MS4A10: variants seen among roughly 807,000 people sequenced by gnomAD.
MS4A10 encodes the protein membrane spanning 4-domains A10.
Under a neutral mutation model 27.7 loss-of-function variants are expected in MS4A10, and 27 were observed. That is an observed-to-expected ratio of 0.98 (90% CI 0.72 to 1.35). MS4A10 has a LOEUF of 1.35. MS4A10 is among the 40% of genes most tolerant of loss of function. The pLI is 0.00. For synonymous variants in MS4A10, 139 were observed against 131.2 expected (o/e 1.06, Z -0.41); for missense variants, 338 against 324.7 (o/e 1.04, Z -0.32).
At chr11:60,795,531 C>T (rs1162831782) in intron 5 of MS4A10, 24 bp from the exon 6 acceptor site, 1 of 1,477,316 alleles carries the variant, frequency 6.8e-7, no homozygotes, top group Non-Finnish European at 9.0e-7. Flanking sequence ...CCTCACCCTG[C>T]CTTCCTTCCC....
intron 1 of MS4A10, among the ~76,000 whole-genome samples, chr11:60,788,522 G>C (rs1854375473): frequency 6.6e-6 from 1 of 152,200 alleles, no homozygotes; most frequent in Non-Finnish European, 1.5e-5. Context: ...ACCTGGTTCA[G>C]GCCTCTGCCA....
intron 1 of MS4A10, among the ~76,000 whole-genome samples, chr11:60,789,217 C>T (rs1254155277): frequency 1.3e-5 from 2 of 152,216 alleles, no homozygotes; most frequent in South Asian, 2.1e-4. Flanking sequence ...TTCATTCATC[C>T]AGGATACAGT....
At chr11:60,791,200 G>T in intron 3 of MS4A10, 107 bp downstream of exon 3, 1 of 1,439,736 alleles carries the variant, frequency 6.9e-7, no homozygotes, top group South Asian at 1.3e-5. Context: ...GAGCTAATAG[G>T]AGTGCGGCAG....
chr11:60,787,175 C>G (rs1470994043), intron 1 of MS4A10, among the ~76,000 whole-genome samples: 1 of 152,110 alleles, frequency 6.6e-6, no homozygotes, highest in Non-Finnish European at 1.5e-5. Flanking sequence ...CCGTGGGATA[C>G]CAAGCTGGCT....
In MS4A10 at chr11:60,795,906, G is replaced by T. The variant is rs552271144; in HGVS notation, c.603+241G>T. Among the ~76,000 whole-genome samples the T allele has an allele frequency of 1.6e-4, 24 of 152,254 alleles. No homozygotes were observed. The South Asian group carries it at 5.0e-3, about 32-fold the overall frequency. On this transcript the variant is annotated intron_variant, in intron 6 of 7. Coordinates refer to ENST00000308287, the MANE Select transcript of MS4A10 (RefSeq NM_206893.4). The stretch of plus-strand genomic sequence containing the variant: ...CTGCCAGAGAGGAAACTCCATGGGT[G>T]CCCAGAACAAGAGGCTACTGTGCTG...
chr11:60,790,059 C>T (rs909550949), intron 1 of MS4A10, among the ~76,000 whole-genome samples: 2 of 152,184 alleles, frequency 1.3e-5, no homozygotes, highest in African/African-American at 4.8e-5. Context: ...TGAAGTTTGC[C>T]TGGTCCTCAT....
intron 1 of MS4A10, among the ~76,000 whole-genome samples, chr11:60,787,979 T>C (rs1344012189): frequency 1.3e-5 from 2 of 151,966 alleles, no homozygotes; most frequent in African/African-American, 4.8e-5. Flanking sequence ...ATTACGCCAC[T>C]ACACTCCAGC....
intron 1 of MS4A10, among the ~76,000 whole-genome samples, chr11:60,789,491 A>G (rs1023264464): frequency 3.3e-5 from 5 of 151,356 alleles, no homozygotes; most frequent in African/African-American, 1.2e-4. Context: ...TTTTTCCCCA[A>G]CTCCTTTTTG....
In MS4A10 at chr11:60,790,455, G is replaced by A. The variant is rs1376545091; in HGVS notation, c.120G>A (p.Lys40=). Reference sequence around the variant, plus strand: ...CACCCCAGAACACGACCCAGCCCAAGCTCCTGGCTCCACACCAGCACGAGA... The same window carrying A: ...CACCCCAGAACACGACCCAGCCCAAACTCCTGGCTCCACACCAGCACGAGA... ...TSAPQNTTQP[K]LLAPHQHEKS... The change falls in exon 2 of 8, where the codon AAG becomes AAA. Residue 40 remains lysine (K), a synonymous_variant. Coordinates refer to ENST00000308287, the MANE Select transcript of MS4A10 (RefSeq NM_206893.4). 1.9e-6 allele frequency: 3 copies of A among 1,614,026 alleles called. No individual in the cohort carries two copies. Among genetic ancestry groups the A allele is most frequent in the African/African-American group, 1.3e-5 (1 of 74,924 alleles).
intron 1 of MS4A10, among the ~76,000 whole-genome samples, chr11:60,786,453 C>A (rs79274237): frequency 0.017 from 2,573 of 152,224 alleles, 73 homozygotes; most frequent in African/African-American, 0.059. Flanking sequence ...CTCACGACCC[C>A]CTACCCCCAC....
intron 7 of MS4A10, among the ~76,000 whole-genome samples, chr11:60,798,864 C>T (rs746854770): frequency 6.6e-6 from 1 of 152,220 alleles, no homozygotes; most frequent in Non-Finnish European, 1.5e-5. Context: ...GCCCTCTGGC[C>T]TCCCTTGCCT....
rs774059512 is a variant in MS4A10, at chr11:60,795,557, C to T, written c.495C>T (p.Val165=). Residue 165 remains valine (V), a splice_region_variant and synonymous_variant, in exon 6 of 8, where the codon GTC becomes GTT. Coordinates refer to ENST00000308287, the MANE Select transcript of MS4A10 (RefSeq NM_206893.4). ...CTTCCTTCCCTCTACCCTCTCAGGTCCACATCCAGAGGCTGGAGCTGGCCT... is the reference window on the plus strand; with the variant it reads ...CTTCCTTCCCTCTACCCTCTCAGGTTCACATCCAGAGGCTGGAGCTGGCCT... ...PIWRMYPNST[V]HIQRLELALL... is the part of the protein sequence containing the mutation. The T allele has an allele frequency of 2.7e-5, 41 of 1,546,236 alleles. 1 individual carries two copies. The South Asian group carries it at 4.4e-4, about 16-fold the overall frequency.
intron 1 of MS4A10, 22 bp from the exon 2 acceptor site, chr11:60,790,292 G>T: frequency 3.1e-6 from 5 of 1,602,786 alleles, no homozygotes; most frequent in Non-Finnish European, 4.3e-6. Context: ...GGGTTCTGAC[G>T]GCCTTCCTCC....
At chr11:60,791,699 C>G (rs1305637446) in intron 3 of MS4A10, among the ~76,000 whole-genome samples, 1 of 152,256 alleles carries the variant, frequency 6.6e-6, no homozygotes, top group African/African-American at 2.4e-5. Flanking sequence ...CCTTTCACAT[C>G]AGTCCACTGT....
At chr11:60,788,298 G>T (rs1049552311) in intron 1 of MS4A10, among the ~76,000 whole-genome samples, 2 of 152,210 alleles carry the variant, frequency 1.3e-5, no homozygotes, top group Non-Finnish European at 2.9e-5. Flanking sequence ...TTGGATATTT[G>T]AACCATTCCT....
intron 1 of MS4A10, among the ~76,000 whole-genome samples, chr11:60,787,666 A>G (rs1436483211): frequency 6.6e-6 from 1 of 152,192 alleles, no homozygotes. Context: ...CACTTTGCCC[A>G]AAAGCAGACC....
Position 60,787,799 on chromosome 11 carries a change from C to A in MS4A10, c.-23+2378C>A, listed in dbSNP as rs557512866. Among the ~76,000 whole-genome samples the A allele has an allele frequency of 2.0e-5, 3 of 152,212 alleles. No homozygotes were observed. In the South Asian group the frequency reaches 6.2e-4, roughly 32 times the overall value. ...TTCGGAGGCCAAGGTAGGCGGATCA[C>A]CTGAGGTCGGGAGTTTGAGACCAGC... On this transcript the variant is annotated intron_variant, in intron 1 of 7. Transcript: ENST00000308287.
At chr11:60,799,720 G>A in intron 7 of MS4A10, 108 bp from the exon 8 acceptor site, 1 of 683,972 alleles carries the variant, frequency 1.5e-6, no homozygotes, top group Non-Finnish European at 2.7e-6. Context: ...TCTTTACTGG[G>A]CCACTGACTC....
At chr11:60,797,153 G>C (rs548155621) in intron 6 of MS4A10, among the ~76,000 whole-genome samples, 102 of 152,288 alleles carry the variant, frequency 6.7e-4, no homozygotes, top group Non-Finnish European at 1.3e-3. Flanking sequence ...AAAGCCAGAT[G>C]GGGGTCTTGA....
Sources: gnomAD v4.1 joint callset for allele counts (sites outside exome capture counted in the v4.1 genomes callset) on GRCh38, gnomAD v4.1.1 for gene constraint, MANE v1.5 for transcripts, NCBI Gene and HGNC (gene_info 2026-07-23, HGNC 2026-07-21) for gene names.